Variants in NEK11 observed in about 807,000 individuals in gnomAD.
NEK11 encodes the protein serine/threonine-protein kinase Nek11.
In NEK11, 72 loss-of-function variants were observed where a neutral mutation model predicts 80.7. The observed-to-expected ratio is 0.89, with a 90% CI of 0.74 to 1.08. NEK11 has a LOEUF of 1.08. NEK11 is among the 50% of genes least tolerant of loss of function. NEK11 has a pLI of 0.00. For missense variants in NEK11, 764 were observed against 763.6 expected (o/e 1.00, Z -0.01); for synonymous variants, 251 against 260.7 (o/e 0.96, Z 0.36).
At chr3:131,151,096 C>T (rs1357170913) in intron 7 of NEK11, among the ~76,000 whole-genome samples, 1 of 151,926 alleles carries the variant, frequency 6.6e-6, no homozygotes, top group African/African-American at 2.4e-5. Context: ...TCTAACATCT[C>T]CCTCTTCTTT....
intron 17 of NEK11, among the ~76,000 whole-genome samples, chr3:131,337,473 G>A (rs1246463329): frequency 6.6e-6 from 1 of 151,790 alleles, no homozygotes; most frequent in South Asian, 2.1e-4. Flanking sequence ...TGTGGGGTGG[G>A]GGGAGTGGGG....
intron 4 of NEK11, among the ~76,000 whole-genome samples, chr3:131,095,446 A>G (rs1015364557): frequency 2.6e-5 from 4 of 152,148 alleles, no homozygotes; most frequent in African/African-American, 9.7e-5. Flanking sequence ...GGATGGCAAG[A>G]CTTTAAATGA....
chr3:131,063,605 C>A (rs574925350), intron 3 of NEK11, among the ~76,000 whole-genome samples: 2 of 151,984 alleles, frequency 1.3e-5, no homozygotes, highest in Non-Finnish European at 2.9e-5. Flanking sequence ...AATACAGTCC[C>A]GATAGATAGG....
chr3:131,034,170 AGAAAAGAGATATTAAG>A (rs893262218), intron 3 of NEK11, among the ~76,000 whole-genome samples: 8 of 152,234 alleles, frequency 5.3e-5, no homozygotes, highest in Admixed American at 1.3e-4. Context: ...GTAATTTAAT[AGAAAAGAGATATTAAG>A]GAAATAGGTT....
chr3:131,124,367 C>A (rs548170343), intron 5 of NEK11, among the ~76,000 whole-genome samples: 340 of 152,326 alleles, frequency 2.2e-3, no homozygotes, highest in South Asian at 3.7e-3. Context: ...ATATTTTTGT[C>A]CAGCAGAGAT....
intron 3 of NEK11, among the ~76,000 whole-genome samples, chr3:131,075,457 C>G (rs2074186964): frequency 6.6e-6 from 1 of 151,892 alleles, no homozygotes; most frequent in East Asian, 1.9e-4. Context: ...TGTTTCCTGG[C>G]TTTTCCATTA....
At chr3:131,066,558 G>T (rs1261270755) in intron 3 of NEK11, among the ~76,000 whole-genome samples, 2 of 152,090 alleles carry the variant, frequency 1.3e-5, no homozygotes, top group Non-Finnish European at 2.9e-5. Context: ...GGCCAGGTGC[G>T]GTGGCTCACG....
chr3:131,214,545 C>G (rs1488572295), intron 14 of NEK11, among the ~76,000 whole-genome samples: 3 of 152,106 alleles, frequency 2.0e-5, no homozygotes, highest in Admixed American at 6.5e-5. Flanking sequence ...CTCTCTAAAG[C>G]AGGAAAGAAA....
intron 17 of NEK11, among the ~76,000 whole-genome samples, chr3:131,317,330 T>C (rs1325829934): frequency 6.6e-6 from 1 of 152,134 alleles, no homozygotes; most frequent in Non-Finnish European, 1.5e-5. Flanking sequence ...AAACTAAGCA[T>C]TGGTATGAGT....
intron 3 of NEK11, among the ~76,000 whole-genome samples, chr3:131,065,207 A>G (rs2148856354): frequency 6.6e-6 from 1 of 152,346 alleles, no homozygotes; most frequent in South Asian, 2.1e-4. Flanking sequence ...ACTTTGGACA[A>G]TTACCTAAAC....
chr3:131,217,524 T>C (rs1303282621), intron 14 of NEK11, among the ~76,000 whole-genome samples: 1 of 152,166 alleles, frequency 6.6e-6, no homozygotes, highest in Non-Finnish European at 1.5e-5. Context: ...TTCAAAGAAA[T>C]GTGTCCTTAG....
At chr3:131,058,021 G>T (rs1641674884) in intron 3 of NEK11, among the ~76,000 whole-genome samples, 1 of 151,834 alleles carries the variant, frequency 6.6e-6, no homozygotes, top group Admixed American at 6.6e-5. Flanking sequence ...TATGGTTTTA[G>T]GTCTAACATT....
intron 3 of NEK11, among the ~76,000 whole-genome samples, chr3:131,069,922 A>T (rs924473436): frequency 2.0e-5 from 3 of 151,982 alleles, no homozygotes; most frequent in Non-Finnish European, 4.4e-5. Flanking sequence ...GCACATGTAT[A>T]CATATGTAAC....
chr3:131,126,606 T>C (rs2083384217), intron 5 of NEK11, among the ~76,000 whole-genome samples: 1 of 152,206 alleles, frequency 6.6e-6, no homozygotes, highest in African/African-American at 2.4e-5. Context: ...GTAATGTCTT[T>C]TCTTTCAGTT....
chr3:131,252,824 C>G (rs927469878), intron 16 of NEK11, among the ~76,000 whole-genome samples: 1 of 152,054 alleles, frequency 6.6e-6, no homozygotes, highest in African/African-American at 2.4e-5. Context: ...AATCTTTAAG[C>G]CTTGAAAGGA....
chr3:131,340,059 T>C (rs1384721211), intron 17 of NEK11, among the ~76,000 whole-genome samples: 2 of 152,234 alleles, frequency 1.3e-5, no homozygotes, highest in Non-Finnish European at 2.9e-5. Context: ...TTTGAATGCT[T>C]TGTTATCAGG....
intron 17 of NEK11, among the ~76,000 whole-genome samples, chr3:131,299,738 G>A (rs2096640632): frequency 6.6e-6 from 1 of 152,104 alleles, no homozygotes; most frequent in South Asian, 2.1e-4. Context: ...AGTATTCCAT[G>A]GTGTATATGT....
At chr3:131,210,618 G>A (rs2094579436) in intron 14 of NEK11, among the ~76,000 whole-genome samples, 1 of 152,138 alleles carries the variant, frequency 6.6e-6, no homozygotes, top group East Asian at 1.9e-4. Flanking sequence ...AAGTCTCTTT[G>A]TAGGTCTCTA....
chr3:131,109,598 T>C (rs1480491977), intron 4 of NEK11: 1 of 493,478 alleles, frequency 2.0e-6, no homozygotes, highest in Non-Finnish European at 3.5e-6. Flanking sequence ...GTTAAAGTCT[T>C]TATAGGTTAA....
Sources: gnomAD v4.1 joint callset for allele counts (sites outside exome capture counted in the v4.1 genomes callset) on GRCh38, gnomAD v4.1.1 for gene constraint, MANE v1.5 for transcripts, NCBI Gene and HGNC (gene_info 2026-07-23, HGNC 2026-07-21) for gene names.